CFH: variants seen among roughly 807,000 people sequenced by gnomAD.
CFH encodes the protein complement factor H, also known as H factor 1 (complement).
A neutral mutation model predicts 147.3 loss-of-function variants in CFH; 53 were observed. The observed-to-expected ratio is 0.36, with a 90% CI of 0.29 to 0.45. The LOEUF is 0.45. CFH is among the 20% of genes least tolerant of loss of function. The pLI, the probability that CFH is intolerant of heterozygous loss-of-function variation, is 1.00. For synonymous variants in CFH, 536 were observed against 489.4 expected, an observed-to-expected ratio of 1.10 and a Z score of -1.26; for missense variants, 1,380 against 1,498.0, an observed-to-expected ratio of 0.92 and a Z score of 1.30.
intron 10 of CFH, among the ~76,000 whole-genome samples, 193 bp downstream of exon 10, chr1:196,714,110 G>C (rs1447196480): frequency 6.6e-6 from 1 of 151,746 alleles, no homozygotes; most frequent in Non-Finnish European, 1.5e-5. Context: ...TTTCCATTCA[G>C]GCTTTTCCTA....
intron 20 of CFH, among the ~76,000 whole-genome samples, chr1:196,744,725 A>C (rs759221420): frequency 6.6e-6 from 1 of 152,132 alleles, no homozygotes; most frequent in Non-Finnish European, 1.5e-5. Flanking sequence ...AATTGAAAAA[A>C]CTTATGAGGA....
chr1:196,652,629 A>G (rs1666541486), intron 1 of CFH, among the ~76,000 whole-genome samples: 1 of 151,846 alleles, frequency 6.6e-6, no homozygotes. Context: ...TTCATTTATC[A>G]TTTACAACTG....
intron 9 of CFH, among the ~76,000 whole-genome samples, chr1:196,703,900 C>T (rs779932624): frequency 2.2e-5 from 3 of 133,546 alleles, no homozygotes; most frequent in Non-Finnish European, 4.6e-5. Context: ...AGAAGAACGG[C>T]GTGAATCGGG....
At chr1:196,672,376 A>G (rs577751503) in intron 1 of CFH, among the ~76,000 whole-genome samples, 2 of 152,184 alleles carry the variant, frequency 1.3e-5, no homozygotes, top group East Asian at 3.9e-4. Flanking sequence ...ATGCACACAC[A>G]ATTTGTTGTT....
chr1:196,666,653 A>G (rs538923892), intron 1 of CFH, among the ~76,000 whole-genome samples: 14 of 151,778 alleles, frequency 9.2e-5, no homozygotes, highest in Admixed American at 5.3e-4. Flanking sequence ...AAGAAAAAAA[A>G]ACCCAAAAAA....
chr1:196,706,244 G>A (rs559333515), intron 9 of CFH, among the ~76,000 whole-genome samples: 8 of 152,214 alleles, frequency 5.3e-5, no homozygotes, highest in Non-Finnish European at 7.4e-5. Context: ...TCATGGGGCC[G>A]TTTGGAAAGA....
chr1:196,693,337 C>T (rs964821953), intron 9 of CFH, among the ~76,000 whole-genome samples: 1 of 151,992 alleles, frequency 6.6e-6, no homozygotes, highest in Non-Finnish European at 1.5e-5. Context: ...TTTCTCTTGA[C>T]TTGTAAAACT....
chr1:196,674,184 T>A (rs1468286859), intron 3 of CFH, among the ~76,000 whole-genome samples: 1 of 152,136 alleles, frequency 6.6e-6, no homozygotes, highest in East Asian at 1.9e-4. Flanking sequence ...TGATAGAGTA[T>A]AATTATGGGA....
At chr1:196,681,486 A>G (rs1367582505) in intron 6 of CFH, among the ~76,000 whole-genome samples, 2 of 151,420 alleles carry the variant, frequency 1.3e-5, no homozygotes, top group Non-Finnish European at 3.0e-5. Flanking sequence ...ACACACACAC[A>G]CACACACACA....
intron 9 of CFH, among the ~76,000 whole-genome samples, chr1:196,708,280 C>T (rs796256404): frequency 6.6e-6 from 1 of 152,284 alleles, no homozygotes; most frequent in Non-Finnish European, 1.5e-5. Flanking sequence ...TCATACTTGT[C>T]ACTGACTTTC....
At chr1:196,680,296 G>A (rs1379909901) in intron 6 of CFH, among the ~76,000 whole-genome samples, 1 of 144,526 alleles carries the variant, frequency 6.9e-6, no homozygotes, top group African/African-American at 2.6e-5. Context: ...GGTGATGATG[G>A]TCCTGGAAAA....
intron 1 of CFH, among the ~76,000 whole-genome samples, chr1:196,668,486 T>G (rs1013195599): frequency 7.9e-5 from 12 of 152,200 alleles, no homozygotes; most frequent in Non-Finnish European, 1.6e-4. Context: ...GGTTTGGCTC[T>G]GTGTCCCCAC....
At chr1:196,693,990 G>GTGTGTGTGTT (rs748079608) in intron 9 of CFH, among the ~76,000 whole-genome samples, 1 of 149,204 alleles carries the variant, frequency 6.7e-6, no homozygotes, top group African/African-American at 2.5e-5. Context: ...GTGTGTGTGT[G>GTGTGTGTGTT]TTTTATTATT....
intron 7 of CFH, among the ~76,000 whole-genome samples, 171 bp from the exon 8 acceptor site, chr1:196,689,249 T>C (rs371051436): frequency 1.3e-5 from 2 of 152,280 alleles, no homozygotes; most frequent in South Asian, 2.1e-4. Context: ...GACCTTCTTG[T>C]TACATATCTC....
At chr1:196,734,460 A>C (rs534173318) in intron 15 of CFH, among the ~76,000 whole-genome samples, 1 of 152,130 alleles carries the variant, frequency 6.6e-6, no homozygotes, top group South Asian at 2.1e-4. Flanking sequence ...CAAGAGAGAA[A>C]CCTGTACTTT....
chr1:196,718,034 G>C (rs926442055), intron 11 of CFH, among the ~76,000 whole-genome samples: 1 of 152,062 alleles, frequency 6.6e-6, no homozygotes, highest in African/African-American at 2.4e-5. Flanking sequence ...GAATAGAAAA[G>C]TTTTGAAATA....
intron 15 of CFH, among the ~76,000 whole-genome samples, chr1:196,735,287 T>C (rs1436542464): frequency 6.6e-6 from 1 of 152,158 alleles, no homozygotes; most frequent in African/African-American, 2.4e-5. Flanking sequence ...TTAATTCTCT[T>C]GTGAAAGAAT....
chr1:196,658,093 T>G (rs1459415501), intron 1 of CFH, among the ~76,000 whole-genome samples: 4 of 152,118 alleles, frequency 2.6e-5, no homozygotes, highest in African/African-American at 9.7e-5. Flanking sequence ...AAATTAAGAT[T>G]ATTAAAATAT....
intron 15 of CFH, among the ~76,000 whole-genome samples, chr1:196,730,179 G>C (rs1669249389): frequency 6.6e-6 from 1 of 151,738 alleles, no homozygotes; most frequent in African/African-American, 2.4e-5. Flanking sequence ...CTACTAGACT[G>C]TTTATTTGAG....
Sources: gnomAD v4.1 joint callset for allele counts (sites outside exome capture counted in the v4.1 genomes callset) on GRCh38, gnomAD v4.1.1 for gene constraint, MANE v1.5 for transcripts, NCBI Gene and HGNC (gene_info 2026-07-23, HGNC 2026-07-21) for gene names.